LRIG1: variants seen among roughly 807,000 people sequenced by gnomAD.
The protein encoded by LRIG1 is leucine-rich repeats and immunoglobulin-like domains protein 1.
A neutral mutation model predicts 99.2 loss-of-function variants in LRIG1; 48 were observed. That is an observed-to-expected ratio of 0.48 (90% CI 0.38 to 0.62). The LOEUF (loss-of-function observed/expected upper bound fraction) is 0.62. Ranked by LOEUF, LRIG1 falls within the 20% of genes least tolerant of loss-of-function variation. The pLI, the probability that LRIG1 is intolerant of heterozygous loss-of-function variation, is 0.00. For synonymous variants in LRIG1, 772 were observed against 596.1 expected, an observed-to-expected ratio of 1.29 and a Z score of -4.30; for missense variants, 1,646 against 1,434.4, an observed-to-expected ratio of 1.15 and a Z score of -2.38.
Position 66,380,288 on chromosome 3 carries a change from G to C in LRIG1, c.3257C>G (p.Pro1086Arg), listed in dbSNP as rs751629302. 3 of 1,613,552 alleles carry C rather than the reference G, an allele frequency of 1.9e-6. No individual in the cohort carries two copies. Among genetic ancestry groups the C allele is most frequent in the South Asian group, 1.1e-5 (1 of 91,044 alleles). Reference sequence around the variant, plus strand: ...CTAGCTTTTTGGTGCCAACAGCAGTGGCACCCTCTGTTTCCCGGGGAGCTG... The same window carrying C: ...CTAGCTTTTTGGTGCCAACAGCAGTCGCACCCTCTGTTTCCCGGGGAGCTG... ...TGQLPGKQRV[P>R]LLLAPKS The change falls in exon 19 of 19, where the codon CCA (proline) becomes CGA (arginine). Residue 1086 changes from proline (P) to arginine (R), a missense_variant. Pro to Arg is a moderately radical substitution (Grantham distance 103). Coordinates refer to ENST00000273261, the MANE Select transcript of LRIG1 (RefSeq NM_015541.3).
intron 2 of LRIG1, among the ~76,000 whole-genome samples, chr3:66,456,479 G>T (rs896224199): frequency 2.0e-5 from 3 of 151,724 alleles, no homozygotes; most frequent in African/African-American, 7.3e-5. Flanking sequence ...AGGCTGAGGT[G>T]CGAGGATCGC....
At chr3:66,457,167 T>C (rs3856596) in intron 2 of LRIG1, among the ~76,000 whole-genome samples, 9,240 of 152,182 alleles carry the variant, frequency 0.061, 357 homozygotes, top group South Asian at 0.15. Context: ...GACTGAAGGC[T>C]CTATAAAGTT....
At position 66,472,235 on chromosome 3, in the gene LRIG1, C is replaced by T. The variant is rs531871647; in HGVS notation, c.219-9726G>A. On this transcript the variant is annotated intron_variant, in intron 1 of 18. Transcript: ENST00000273261. Reference sequence around the variant, plus strand: ...AGGAGAATGGCGAGAACCCGGGAGGCGGAGCGTGCAGTGAGCCGAGATCAC... The same window carrying T: ...AGGAGAATGGCGAGAACCCGGGAGGTGGAGCGTGCAGTGAGCCGAGATCAC... 1.7e-4 allele frequency among the ~76,000 whole-genome samples: 20 copies of T among 119,482 alleles called. No individual in the cohort carries two copies. In the East Asian group the frequency reaches 4.3e-3, roughly 25 times the overall value. The allele number at this position is 119,482 out of a possible 152,430, so 78.4% of individuals were successfully genotyped here. A position where few individuals can be genotyped will look rare whatever the true frequency, so the allele number is the denominator to read the frequency against.
intron 3 of LRIG1, among the ~76,000 whole-genome samples, chr3:66,435,313 C>A (rs1173969033): frequency 6.6e-6 from 1 of 152,140 alleles, no homozygotes; most frequent in South Asian, 2.1e-4. Context: ...AATCCCAGCA[C>A]TTTGGGAGGC....
intron 4 of LRIG1, among the ~76,000 whole-genome samples, chr3:66,416,480 C>G (rs1377822272): frequency 6.6e-6 from 1 of 152,196 alleles, no homozygotes; most frequent in Non-Finnish European, 1.5e-5. Context: ...GTTGCAGTTT[C>G]TTTCCCAGAG....
chr3:66,382,166 G>T, intron 16 of LRIG1, 107 bp downstream of exon 16: 1 of 1,300,310 alleles, frequency 7.7e-7, no homozygotes, highest in Non-Finnish European at 1.1e-6. Context: ...CACCAAGTTT[G>T]CCCCATCTAA....
At chr3:66,403,610 C>T (rs934594684) in intron 9 of LRIG1, among the ~76,000 whole-genome samples, 1 of 152,164 alleles carries the variant, frequency 6.6e-6, no homozygotes, top group Non-Finnish European at 1.5e-5. Context: ...GAGAAAGCAC[C>T]AGGGCACAGA....
chr3:66,386,497 T>A, intron 12 of LRIG1, 196 bp from the exon 13 acceptor site: 1 of 584,434 alleles, frequency 1.7e-6, no homozygotes, highest in Admixed American at 3.0e-5. Flanking sequence ...ATTAGAAGTC[T>A]GTGAGTACTG....
chr3:66,383,800 T>A (rs1008714438), intron 14 of LRIG1, among the ~76,000 whole-genome samples, 191 bp downstream of exon 14: 16 of 152,220 alleles, frequency 1.1e-4, no homozygotes, highest in African/African-American at 2.9e-4. Context: ...ATTCACCAGC[T>A]ATCATTTCTT....
intron 12 of LRIG1, among the ~76,000 whole-genome samples, chr3:66,389,650 C>G (rs1264456582): frequency 6.6e-6 from 1 of 152,084 alleles, no homozygotes; most frequent in East Asian, 1.9e-4. Context: ...ACATATATAC[C>G]TAATGGAGCG....
intron 3 of LRIG1, among the ~76,000 whole-genome samples, chr3:66,434,408 A>G (rs1199728308): frequency 6.6e-6 from 1 of 152,234 alleles, no homozygotes; most frequent in Non-Finnish European, 1.5e-5. Context: ...GAAAACCATA[A>G]TGAGCTATCA....
chr3:66,423,775 AT>A (rs1186975332), intron 3 of LRIG1, among the ~76,000 whole-genome samples: 1 of 152,154 alleles, frequency 6.6e-6, no homozygotes, highest in Non-Finnish European at 1.5e-5. Flanking sequence ...AATCCCAGCT[AT>A]CCCACTCACA....
chr3:66,415,167 G>C (rs1353539099), intron 4 of LRIG1, 104 bp from the exon 5 acceptor site: 14 of 1,166,536 alleles, frequency 1.2e-5, no homozygotes, highest in Non-Finnish European at 1.7e-5. Flanking sequence ...GATGAGTTAA[G>C]ACACCAGAGG....
At chr3:66,433,829 G>A (rs1248096056) in intron 3 of LRIG1, among the ~76,000 whole-genome samples, 1 of 152,204 alleles carries the variant, frequency 6.6e-6, no homozygotes, top group Non-Finnish European at 1.5e-5. Context: ...CTGTACCCCA[G>A]AACCATCTCA....
chr3:66,473,925 T>C (rs1275446954), intron 1 of LRIG1, among the ~76,000 whole-genome samples: 2 of 152,206 alleles, frequency 1.3e-5, no homozygotes, highest in Admixed American at 6.5e-5. Flanking sequence ...AAGGCTAAGT[T>C]TTTCTTTCTG....
intron 1 of LRIG1, among the ~76,000 whole-genome samples, chr3:66,494,643 TAAC>T (rs1283318627): frequency 6.6e-6 from 1 of 152,188 alleles, no homozygotes; most frequent in Non-Finnish European, 1.5e-5. Context: ...AAACCATTGA[TAAC>T]AAATTATACA....
At chr3:66,445,652 T>A (rs925281319) in intron 3 of LRIG1, among the ~76,000 whole-genome samples, 2 of 152,188 alleles carry the variant, frequency 1.3e-5, no homozygotes, top group Non-Finnish European at 2.9e-5. Context: ...CCTCCAAAGA[T>A]AAACATCACA....
intron 3 of LRIG1, among the ~76,000 whole-genome samples, chr3:66,443,706 C>T (rs1394256844): frequency 2.0e-5 from 3 of 152,198 alleles, no homozygotes; most frequent in African/African-American, 4.8e-5. Context: ...GGCAGTAACT[C>T]CAGGCCCATA....
intron 8 of LRIG1, chr3:66,406,433 C>T: frequency 1.0e-6 from 1 of 985,368 alleles, no homozygotes; most frequent in Non-Finnish European, 1.2e-6. Context: ...CACAGGCTGA[C>T]CTGGCCTGAA....
Sources: gnomAD v4.1 joint callset for allele counts (sites outside exome capture counted in the v4.1 genomes callset) on GRCh38, gnomAD v4.1.1 for gene constraint, MANE v1.5 for transcripts, NCBI Gene and HGNC (gene_info 2026-07-23, HGNC 2026-07-21) for gene names.